Variants in INPP5F observed in about 807,000 individuals in gnomAD.
INPP5F encodes inositol polyphosphate-5-phosphatase F, also known as phosphatidylinositide 4-phosphatase SAC2.
A neutral mutation model predicts 137.2 loss-of-function variants in INPP5F; 97 were observed. The observed-to-expected ratio is 0.71, with a 90% CI of 0.60 to 0.84. The LOEUF (loss-of-function observed/expected upper bound fraction) is 0.84, where lower values mean the gene tolerates loss of function less well. Ranked by LOEUF, INPP5F falls within the 40% of genes least tolerant of loss-of-function variation. The pLI is 0.00. For synonymous variants in INPP5F, 504 were observed against 476.9 expected (o/e 1.06, Z -0.74); for missense variants, 1,271 against 1,371.9 (o/e 0.93, Z 1.16).
Position 119,827,251 on chromosome 10 carries a change from A to G in INPP5F, c.2870A>G (p.Asp957Gly), listed in dbSNP as rs1278598359. 1.2e-6 allele frequency: 2 copies of G among 1,614,032 alleles called. No homozygotes were observed. The highest frequency in any genetic ancestry group is 4.5e-5 in the East Asian group (2 of 44,892). ...TTGACTGGCTTTGCCAAGCCTATGGATATTTACTGCCACAGATTTGTGCAA... is the reference window on the plus strand; with the variant it reads ...TTGACTGGCTTTGCCAAGCCTATGGGTATTTACTGCCACAGATTTGTGCAA... The part of the protein sequence containing the change: ...HILTGFAKPM[D>G]IYCHRFVQDA... Residue 957 changes from aspartate (D) to glycine (G), a missense_variant, in exon 20 of 20, where the codon GAT (aspartate) becomes GGT (glycine). This residue lies in a region of INPP5F where 490 missense variants were observed against 443.7 expected (regional missense o/e 1.10). Coordinates refer to ENST00000650623, the MANE Select transcript of INPP5F (RefSeq NM_014937.4).
chr10:119,735,465 C>G (rs916104171), intron 1 of INPP5F, among the ~76,000 whole-genome samples: 2 of 152,190 alleles, frequency 1.3e-5, no homozygotes, highest in African/African-American at 4.8e-5. Context: ...CGATTTGAAG[C>G]AGTTATCTAA....
chr10:119,734,258 T>C (rs573573990), intron 1 of INPP5F, among the ~76,000 whole-genome samples: 4 of 152,326 alleles, frequency 2.6e-5, no homozygotes, highest in African/African-American at 9.6e-5. Context: ...GTGGAATTTA[T>C]TCATGTATTT....
Position 119,754,443 on chromosome 10 carries a change from GTGAT to G in INPP5F, c.178+3292_178+3295del, listed in dbSNP as rs1193699097. ...TTGCCATTCTTTGGTCCCAAAATAG[GTGAT>G]TGATAGGCAGTGAGAATACCTGTGA... On this transcript the variant is annotated intron_variant, in intron 2 of 19. Transcript: ENST00000650623. Among the ~76,000 whole-genome samples, 10 of 152,258 alleles carry G rather than the reference GTGAT, an allele frequency of 6.6e-5. No individual in the cohort carries two copies. The East Asian group carries it at 1.5e-3, about 24-fold the overall frequency.
rs538330908 is a variant in INPP5F, at chr10:119,791,662, T to C, written c.444+17T>C. On this transcript the variant is annotated intron_variant, in intron 4 of 19. Transcript: ENST00000650623. ...AAAAAGAAAGTAAGAGTTTAATTGA[T>C]ATAGGCTTTGAATTCACCTTTGATT... is the stretch of plus-strand genomic sequence containing the variant. 21 of 1,583,382 alleles carry C rather than the reference T, an allele frequency of 1.3e-5. No individual in the cohort carries two copies. In the Admixed American group the frequency reaches 1.6e-4, roughly 12 times the overall value.
At chr10:119,726,618 C>T (rs1243178085) in intron 1 of INPP5F, among the ~76,000 whole-genome samples, 1 of 152,236 alleles carries the variant, frequency 6.6e-6, no homozygotes, top group Non-Finnish European at 1.5e-5. Context: ...GTCACGCGGC[C>T]GCCCTTGGGG....
At chr10:119,800,293 C>G (rs996498556) in intron 9 of INPP5F, among the ~76,000 whole-genome samples, 2 of 151,724 alleles carry the variant, frequency 1.3e-5, no homozygotes, top group Non-Finnish European at 2.9e-5. Context: ...TGGTGGCTCA[C>G]GCCTGTAATC....
intron 9 of INPP5F, among the ~76,000 whole-genome samples, chr10:119,800,133 T>G (rs1429097947): frequency 6.6e-6 from 1 of 151,830 alleles, no homozygotes; most frequent in Non-Finnish European, 1.5e-5. Flanking sequence ...TTGATACATT[T>G]GGCTTTATTA....
At chr10:119,755,740 A>G (rs911092716) in intron 2 of INPP5F, among the ~76,000 whole-genome samples, 5 of 152,216 alleles carry the variant, frequency 3.3e-5, no homozygotes, top group Non-Finnish European at 7.3e-5. Context: ...AGATCACACA[A>G]TTGCCTCGAA....
At chr10:119,738,816 T>C (rs1423371239) in intron 1 of INPP5F, among the ~76,000 whole-genome samples, 1 of 152,154 alleles carries the variant, frequency 6.6e-6, no homozygotes, top group East Asian at 1.9e-4. Context: ...GTGTTTCTTA[T>C]CTCTATATTA....
At position 119,789,225 on chromosome 10, in the gene INPP5F, C is replaced by CAAA. The variant is rs71019718; in HGVS notation, c.316-2279_316-2277dup. Among the ~76,000 whole-genome samples the CAAA allele has an allele frequency of 7.1e-4, 77 of 107,762 alleles. No homozygotes were observed. In the South Asian group the frequency reaches 0.02, roughly 28 times the overall value. The allele number at this position is 107,762 out of a possible 152,430, so 70.7% of individuals were successfully genotyped here. ...GGGCAACAAGAGCGAAACTCTGTCTCAAAAAAAAAAAAAAAGAATGGCTAT... is the reference window on the plus strand; with the variant it reads ...GGGCAACAAGAGCGAAACTCTGTCTCAAAAAAAAAAAAAAAAAAGAATGGCTAT... On this transcript the variant is annotated intron_variant, in intron 3 of 19. Coordinates refer to ENST00000650623, the MANE Select transcript of INPP5F (RefSeq NM_014937.4).
In INPP5F at chr10:119,796,717, T is replaced by A; in HGVS notation, c.672T>A (p.Thr224=). Residue 224 remains threonine, a splice_region_variant and synonymous_variant, in exon 7 of 20, where the codon ACT becomes ACA. Transcript: ENST00000650623. ...TATCATGTTCATTTTGTTTTCAGAC[T>A]CCAGATGTGGACTTTTGGATTATCC... ...YMIQDLTEIG[T]PDVDFWIIPM... 1 of 1,613,148 alleles carries A rather than the reference T, an allele frequency of 6.2e-7. No individual in the cohort carries two copies. The highest frequency in any genetic ancestry group is 8.5e-7 in the Non-Finnish European group (1 of 1,179,048).
chr10:119,824,118 G>A (rs1467668734), intron 19 of INPP5F, among the ~76,000 whole-genome samples: 3 of 152,180 alleles, frequency 2.0e-5, no homozygotes, highest in African/African-American at 7.2e-5. Context: ...GAGTTGCACA[G>A]GTAGTTTAGA....
At chr10:119,781,846 G>A in intron 3 of INPP5F, 75 bp downstream of exon 3, 1 of 1,212,874 alleles carries the variant, frequency 8.2e-7, no homozygotes, top group Non-Finnish European at 1.2e-6. Context: ...TGGTTCAGTA[G>A]ACCAGAAACT....
intron 3 of INPP5F, among the ~76,000 whole-genome samples, chr10:119,789,283 T>G (rs1295041107): frequency 6.6e-6 from 1 of 152,134 alleles, no homozygotes; most frequent in African/African-American, 2.4e-5. Context: ...ACTAAAATTG[T>G]AACAATCTGT....
chr10:119,785,534 T>TAGAG (rs1564828471), intron 3 of INPP5F, among the ~76,000 whole-genome samples: 2 of 28,948 alleles, frequency 6.9e-5, no homozygotes, highest in African/African-American at 2.6e-4. Context: ...TGTGATCCGC[T>TAGAG]CGAGAGAGAG....
chr10:119,768,849 A>G (rs921133181), intron 2 of INPP5F, among the ~76,000 whole-genome samples: 1 of 152,224 alleles, frequency 6.6e-6, no homozygotes, highest in Non-Finnish European at 1.5e-5. Context: ...AAGTGTCCAA[A>G]AGAGCGGTGA....
In INPP5F at chr10:119,826,771, T is replaced by A; in HGVS notation, c.2390T>A (p.Ile797Asn). Residue 797 changes from isoleucine to asparagine, a missense_variant, in exon 20 of 20, where the codon ATT (isoleucine) becomes AAT (asparagine). Physicochemically the swap from Ile to Asn is moderately radical, Grantham distance 149. Around this residue, in one of 6 missense-constraint regions of INPP5F, gnomAD observed 490 missense variants for 443.7 expected, o/e 1.10. Transcript: ENST00000650623. ...KVKQTKSNVN[I>N]GNLRKLGNFT... The stretch of plus-strand genomic sequence containing the variant: ...AAGCAGACCAAATCCAATGTAAATA[T>A]TGGCAACCTCCGAAAGCTAGGAAAC... 1.2e-6 allele frequency: 2 copies of A among 1,613,950 alleles called. No individual in the cohort carries two copies. The highest frequency in any genetic ancestry group is 1.7e-6 in the Non-Finnish European group (2 of 1,179,972).
intron 3 of INPP5F, among the ~76,000 whole-genome samples, chr10:119,785,492 A>C (rs1054364748): frequency 1.4e-5 from 2 of 144,924 alleles, no homozygotes; most frequent in African/African-American, 5.1e-5. Flanking sequence ...TCACTGTGTT[A>C]GCCTGGTTAG....
intron 1 of INPP5F, among the ~76,000 whole-genome samples, chr10:119,750,852 T>TA (rs1269954030): frequency 6.6e-6 from 1 of 152,208 alleles, no homozygotes; most frequent in African/African-American, 2.4e-5. Context: ...TTCTGAATGT[T>TA]ACTGCTTTCC....
Sources: allele counts gnomAD v4.1 joint callset (sites outside exome capture counted in the v4.1 genomes callset), GRCh38; gene constraint gnomAD v4.1.1; regional missense constraint gnomAD v4.1.1; transcripts MANE v1.5; gene names NCBI Gene and HGNC (gene_info 2026-07-23, HGNC 2026-07-21).